Variants in WWOX observed in about 807,000 individuals in gnomAD.
WWOX encodes WW domain containing oxidoreductase, also known as WW domain-containing oxidoreductase.
WWOX carries 69 observed loss-of-function variants against 46.2 expected under a neutral mutation model. The observed-to-expected ratio is 1.49, with a 90% CI of 1.23 to 1.82. WWOX has a LOEUF of 1.82. Ranked by LOEUF, WWOX falls within the 40% of genes most tolerant of loss-of-function variation. The probability of loss-of-function intolerance (pLI) is 0.00; values close to 1 mark genes in which losing one functional copy is unlikely to be tolerated. For missense variants in WWOX, 919 were observed against 542.6 expected (o/e 1.69, Z -6.89); for synonymous variants, 359 against 202.6 (o/e 1.77, Z -6.56).
At chr16:79,096,307 C>G (rs1198234564) in intron 8 of WWOX, among the ~76,000 whole-genome samples, 1 of 152,074 alleles carries the variant, frequency 6.6e-6, no homozygotes, top group Non-Finnish European at 1.5e-5. Context: ...TGAAGGCGTC[C>G]CCTGTTACTC....
intron 8 of WWOX, chr16:78,994,383 G>T (rs1233183777): frequency 6.6e-6 from 1 of 152,174 alleles, no homozygotes; most frequent in Non-Finnish European, 1.5e-5. Flanking sequence ...GAGATAGGAC[G>T]ACACTTTTGA....
At chr16:78,368,002 C>T (rs1488558529) in intron 5 of WWOX, among the ~76,000 whole-genome samples, 1 of 152,130 alleles carries the variant, frequency 6.6e-6, no homozygotes, top group East Asian at 1.9e-4. Context: ...GGTGATCTGC[C>T]TGCCTCAGCC....
In WWOX at chr16:78,832,202, A is replaced by C. The variant is rs74704110; in HGVS notation, c.1057-379406A>C. Among the ~76,000 whole-genome samples the C allele has an allele frequency of 6.4e-3, 980 of 152,236 alleles. 13 individuals carry two copies. The highest frequency in any genetic ancestry group is 0.023 in the African/African-American group (940 of 41,554). On this transcript the variant is annotated intron_variant, in intron 8 of 8. Transcript: ENST00000566780. ...TGACTGAAGGGGAGGTTTCGTGTCC[A>C]AGGGGCTCACTGATGTGGCTTTTAG...
At chr16:79,045,780 C>CTTTTT (rs770463813) in intron 8 of WWOX, among the ~76,000 whole-genome samples, 39 of 54,232 alleles carry the variant, frequency 7.2e-4, no homozygotes, top group Non-Finnish European at 1.1e-3. Flanking sequence ...TTTTCTTTTC[C>CTTTTT]TTTTTTTTTT....
intron 8 of WWOX, among the ~76,000 whole-genome samples, chr16:78,810,741 C>T (rs998585566): frequency 3.3e-5 from 5 of 152,140 alleles, no homozygotes; most frequent in African/African-American, 1.2e-4. Flanking sequence ...GATTTGCTCC[C>T]TTCTGTAGGA....
intron 8 of WWOX, among the ~76,000 whole-genome samples, chr16:78,990,047 G>A (rs778905642): frequency 1.3e-5 from 2 of 151,876 alleles, no homozygotes; most frequent in Non-Finnish European, 2.9e-5. Context: ...AGCTGGGCTT[G>A]GTGACAGACG....
intron 8 of WWOX, among the ~76,000 whole-genome samples, chr16:78,636,926 T>C (rs2046586604): frequency 6.6e-6 from 1 of 152,186 alleles, no homozygotes. Context: ...TAAAACTCCT[T>C]ATCTGGTCAT....
intron 8 of WWOX, among the ~76,000 whole-genome samples, chr16:78,580,929 G>C (rs996655034): frequency 2.6e-5 from 4 of 152,162 alleles, no homozygotes; most frequent in Non-Finnish European, 5.9e-5. Context: ...TAATTTAGTA[G>C]CCAGCTAAAG....
At chr16:78,677,612 C>G (rs1211110839) in intron 8 of WWOX, among the ~76,000 whole-genome samples, 7 of 152,182 alleles carry the variant, frequency 4.6e-5, no homozygotes, top group Non-Finnish European at 1.0e-4. Context: ...TGTGGGACAC[C>G]TGACTTTCAC....
At chr16:78,921,344 C>T (rs1396491158) in intron 8 of WWOX, among the ~76,000 whole-genome samples, 3 of 152,132 alleles carry the variant, frequency 2.0e-5, no homozygotes, top group Non-Finnish European at 2.9e-5. Context: ...TTCTAGCTGA[C>T]ATAATTTCAG....
chr16:78,123,435 G>GTTTTTTTTTTTTTTTTT lies in WWOX; in HGVS notation c.409+8285_409+8286insTTTTTTTTTTTTTTTTT, dbSNP rs200594331. On this transcript the variant is annotated intron_variant, in intron 4 of 8. Transcript: ENST00000566780. Reference sequence around the variant, plus strand: ...CCCTATGTTTTTTTCTTTGTTTTTTGTTTTGTTTTTTTTTTTTTTGTTTTT... The same window carrying GTTTTTTTTTTTTTTTTT: ...CCCTATGTTTTTTTCTTTGTTTTTTGTTTTTTTTTTTTTTTTTTTTTGTTTTTTTTTTTTTTGTTTTT... The GTTTTTTTTTTTTTTTTT allele has an allele frequency of 9.9e-4, 48 of 48,698 alleles. 1 individual carries two copies. Among genetic ancestry groups the GTTTTTTTTTTTTTTTTT allele is most frequent in the African/African-American group, 1.1e-3 (14 of 13,166 alleles). The allele number at this position is 48,698 out of a possible 1,614,324, so 3.0% of individuals were successfully genotyped here.
intron 8 of WWOX, among the ~76,000 whole-genome samples, chr16:79,155,588 G>A (rs2050365499): frequency 6.6e-6 from 1 of 152,090 alleles, no homozygotes. Context: ...AGTTGACATA[G>A]AGAGCCAATC....
chr16:78,864,036 G>A (rs2151195108), intron 8 of WWOX, among the ~76,000 whole-genome samples: 1 of 152,136 alleles, frequency 6.6e-6, no homozygotes, highest in Middle Eastern at 3.4e-3. Context: ...TTTGACTATT[G>A]CAAATAAAGC....
At chr16:78,447,509 A>G (rs940722883) in intron 8 of WWOX, among the ~76,000 whole-genome samples, 4 of 152,232 alleles carry the variant, frequency 2.6e-5, no homozygotes, top group Admixed American at 6.5e-5. Flanking sequence ...TGTATTTATC[A>G]GAGGTGAAAG....
intron 8 of WWOX, among the ~76,000 whole-genome samples, chr16:78,588,017 G>C (rs1188371025): frequency 6.6e-6 from 1 of 152,204 alleles, no homozygotes; most frequent in East Asian, 1.9e-4. Flanking sequence ...AATGTGACCT[G>C]CAATTCAGTT....
intron 4 of WWOX, among the ~76,000 whole-genome samples, chr16:78,118,762 A>C (rs2032944423): frequency 6.6e-6 from 1 of 152,158 alleles, no homozygotes; most frequent in African/African-American, 2.4e-5. Context: ...ACATTCTCTA[A>C]ATTAGCCACA....
chr16:78,406,000 T>G (rs1164328387), intron 6 of WWOX, among the ~76,000 whole-genome samples: 3 of 152,072 alleles, frequency 2.0e-5, no homozygotes, highest in African/African-American at 7.2e-5. Context: ...ATTCTTTAAC[T>G]GGGGATCATG....
intron 5 of WWOX, among the ~76,000 whole-genome samples, chr16:78,277,430 G>A (rs141429877): frequency 1.3e-5 from 2 of 152,214 alleles, no homozygotes; most frequent in East Asian, 1.9e-4. Flanking sequence ...CTTCTGACCT[G>A]TGCTCCGGAT....
intron 8 of WWOX, among the ~76,000 whole-genome samples, chr16:78,867,567 GCTT>G (rs2044032888): frequency 6.6e-6 from 1 of 151,450 alleles, no homozygotes; most frequent in Admixed American, 6.6e-5. Flanking sequence ...TTAAGACGGA[GCTT>G]TGCTCTTTCA....
Sources: gnomAD v4.1 joint callset for allele counts (sites outside exome capture counted in the v4.1 genomes callset) on GRCh38, gnomAD v4.1.1 for gene constraint, MANE v1.5 for transcripts, NCBI Gene and HGNC (gene_info 2026-07-23, HGNC 2026-07-21) for gene names.